Variants in GLUL observed in about 807,000 individuals in gnomAD.
GLUL encodes the protein glutamine synthetase.
Under a neutral mutation model 36.9 loss-of-function variants are expected in GLUL, and 8 were observed. That is an observed-to-expected ratio of 0.22 (90% CI 0.13 to 0.39). The LOEUF is 0.39. Among genes scored for constraint, GLUL ranks in the 10% least tolerant of loss-of-function variants. GLUL has a pLI of 1.00. For missense variants in GLUL, 315 were observed against 501.8 expected (o/e 0.63, Z 3.56); for synonymous variants, 182 against 172.8 (o/e 1.05, Z -0.42).
At chr1:182,390,305 T>C (rs1341481396) in intron 1 of GLUL, 3 of 393,912 alleles carry the variant, frequency 7.6e-6, no homozygotes, top group Non-Finnish European at 1.3e-5. Context: ...ATGCACACTT[T>C]GTCCTAAGCC....
intron 4 of GLUL, 183 bp from the exon 5 acceptor site, chr1:182,386,070 G>C (rs1007780562): frequency 1.2e-6 from 1 of 865,696 alleles, no homozygotes; most frequent in Non-Finnish European, 2.0e-6. Flanking sequence ...GGGGCCAAAC[G>C]TTCCCCCTAA....
In GLUL at chr1:182,385,763, G is replaced by A; in HGVS notation, c.600C>T (p.Ala200=). The part of the protein sequence containing the change: ...IAGTNAEVMP[A]QWEFQIGPCE... ...GATGGATTGGAGCTATACTTACCTG[G>A]GCAGGCATGACCTCGGCATTAGTCC... Residue 200 remains alanine (A), a synonymous_variant, in exon 5 of 7, where the codon GCC becomes GCT. Coordinates refer to ENST00000331872, the MANE Select transcript of GLUL (RefSeq NM_001033044.4). 6.2e-7 allele frequency: 1 copy of A among 1,614,048 alleles called. No homozygotes were observed. Among genetic ancestry groups the A allele is most frequent in the Non-Finnish European group, 8.5e-7 (1 of 1,180,000 alleles).
rs1374056673 is a variant in GLUL at position 182,378,728 on chromosome 1, T to A, written c.*5677A>T. ...CATATTCTCACAAATATGGTATACA[T>A]TTATATTATGCATGTGTATGGACAT... is the stretch of plus-strand genomic sequence containing the variant. On this transcript the variant is annotated 3_prime_UTR_variant, in exon 7 of 7. Coordinates refer to ENST00000331872, the MANE Select transcript of GLUL (RefSeq NM_001033044.4). 2.0e-5 allele frequency among the ~76,000 whole-genome samples: 3 copies of A among 152,228 alleles called. No individual in the cohort carries two copies. The highest frequency in any genetic ancestry group is 2.0e-4 in the Admixed American group (3 of 15,286).
rs1484593678 is a variant in GLUL, at chr1:182,384,684, G to A, written c.843C>T (p.His281=). Reference sequence around the variant, plus strand: ...GATCATAGGCACGGATGTGGTACTGGTGCCGCTTGCTTAGTTTCTCAATGG... The same window carrying A: ...GATCATAGGCACGGATGTGGTACTGATGCCGCTTGCTTAGTTTCTCAATGG... ...EEAIEKLSKR[H]QYHIRAYDPK... The change falls in exon 7 of 7, where the codon CAC becomes CAT. Residue 281 remains histidine (H), a synonymous_variant. Transcript: ENST00000331872. 2 of 1,614,132 alleles carry A rather than the reference G, an allele frequency of 1.2e-6. No individual in the cohort carries two copies. Among genetic ancestry groups the A allele is most frequent in the Non-Finnish European group, 8.5e-7 (1 of 1,180,006 alleles).
chr1:182,384,295 G>A lies in GLUL; in HGVS notation c.*110C>T, dbSNP rs773537458. 5.0e-6 allele frequency: 4 copies of A among 798,006 alleles called. No homozygotes were observed. Among genetic ancestry groups the A allele is most frequent in the East Asian group, 5.3e-5 (2 of 37,722 alleles). 49.4% of individuals were successfully genotyped at this position (798,006 alleles called of 1,614,324 possible). A position where few individuals can be genotyped will look rare whatever the true frequency, so the allele number is the denominator to read the frequency against. The stretch of plus-strand genomic sequence containing the variant: ...ACTGGGCACATGGAATGAAAAAAAC[G>A]ACCTTGATATTCCACCCTTTGAGTT... On this transcript the variant is annotated 3_prime_UTR_variant, in exon 7 of 7. Transcript: ENST00000331872.
Position 182,384,207 on chromosome 1 carries a change from G to A in GLUL, c.*198C>T, listed in dbSNP as rs1271991736. On this transcript the variant is annotated 3_prime_UTR_variant, in exon 7 of 7. Coordinates refer to ENST00000331872, the MANE Select transcript of GLUL (RefSeq NM_001033044.4). ...TTCAGTGATAGGGAAAAAAAGGAGG[G>A]TAGGTGTGAAGAAATTAATAACTTG... The A allele has an allele frequency of 5.0e-5, 30 of 598,588 alleles. No homozygotes were observed. Among genetic ancestry groups the A allele is most frequent in the Non-Finnish European group, 6.0e-6 (2 of 334,962 alleles). 37.1% of individuals were successfully genotyped at this position (598,588 alleles called of 1,614,324 possible).
rs992537835 is a variant in GLUL at position 182,379,109 on chromosome 1, TCGGAGATCGAG to T, written c.*5285_*5295del. 8.5e-5 allele frequency among the ~76,000 whole-genome samples: 13 copies of T among 152,182 alleles called. No individual in the cohort carries two copies. The South Asian group carries it at 1.0e-3, about 12-fold the overall frequency. ...AAGTAGAATTTTTTTAAATGAACGG[TCGGAGATCGAG>T]CTAAAGGCTATAAAATGGCAGGGTT... On this transcript the variant is annotated 3_prime_UTR_variant, in exon 7 of 7. Transcript: ENST00000331872.
rs763654448 is a variant in GLUL at position 182,385,796 on chromosome 1, C to G, written c.567G>C (p.Lys189Asn). 1 of 1,614,210 alleles carries G rather than the reference C, an allele frequency of 6.2e-7. No homozygotes were observed. The highest frequency in any genetic ancestry group is 1.7e-5 in the Admixed American group (1 of 60,030). The change falls in exon 5 of 7, where the codon AAG becomes AAC. Residue 189 changes from lysine (K) to asparagine (N), a missense_variant. This residue lies in a region of GLUL where 256 missense variants were observed against 396.1 expected (regional missense o/e 0.65). Coordinates refer to ENST00000331872, the MANE Select transcript of GLUL (RefSeq NM_001033044.4). ...TGACCTCGGCATTAGTCCCCGCAAT[C>G]TTGACTCCAGCATACAAGCAGGCCC... ...HYRACLYAGVKIAGTNAEVMP... is the reference protein window; with the variant it reads ...HYRACLYAGVNIAGTNAEVMP...
chr1:182,386,158 G>T, intron 4 of GLUL, 98 bp downstream of exon 4: 2 of 1,210,332 alleles, frequency 1.7e-6, no homozygotes, highest in Non-Finnish European at 2.5e-6. Context: ...GTATTATTTT[G>T]CTTCTTGATT....
At chr1:182,386,032 G>A in intron 4 of GLUL, 145 bp from the exon 5 acceptor site, 1 of 924,022 alleles carries the variant, frequency 1.1e-6, no homozygotes, top group Non-Finnish European at 1.8e-6. Context: ...GGGGCAATAG[G>A]GGAGTTCCTC....
rs1558162053 is a variant in GLUL at position 182,387,198 on chromosome 1, G to A, written c.261C>T (p.Asp87=). The A allele has an allele frequency of 6.2e-7, 1 of 1,613,128 alleles. No homozygotes were observed. Among genetic ancestry groups the A allele is most frequent in the East Asian group, 2.2e-5 (1 of 44,868 alleles). The stretch of plus-strand genomic sequence containing the variant: ...GCTTGTTAGGGTCCTTACGGAAGGG[G>A]TCCCGAAACATGGCAGCAGGCACGA... ...MYLVPAAMFR[D]PFRKDPNKLV... Residue 87 remains aspartate (D), a synonymous_variant, in exon 3 of 7, where the codon GAC becomes GAT. Transcript: ENST00000331872.
In GLUL at chr1:182,383,958, G is replaced by A; in HGVS notation, c.*447C>T. ...TCTCTCCTAATTCCCACTTTTAATA[G>A]AAAAGTTGGTTATAACTTTTTAAGA... On this transcript the variant is annotated 3_prime_UTR_variant, in exon 7 of 7. Transcript: ENST00000331872. 1 of 198,256 alleles carries A rather than the reference G, an allele frequency of 5.0e-6. No homozygotes were observed. Among genetic ancestry groups the A allele is most frequent in the South Asian group, 8.6e-5 (1 of 11,610 alleles). The allele number at this position is 198,256 out of a possible 1,614,324, so 12.3% of individuals were successfully genotyped here.
chr1:182,386,996 A>G, intron 3 of GLUL, 135 bp downstream of exon 3: 1 of 765,024 alleles, frequency 1.3e-6, no homozygotes, highest in Non-Finnish European at 2.4e-6. Flanking sequence ...AGTTCAGGGA[A>G]AAGAATCACT....
rs1649992743 is a variant in GLUL at position 182,382,780 on chromosome 1, C to T, written c.*1625G>A. ...AAACGGCTGGTCAGCAACATCACTC[C>T]AGTGTTTTAAAAACTCAGAGTACAT... On this transcript the variant is annotated 3_prime_UTR_variant, in exon 7 of 7. Transcript: ENST00000331872. 6.6e-6 allele frequency: 1 copy of T among 152,148 alleles called. No individual in the cohort carries two copies. The highest frequency in any genetic ancestry group is 6.5e-5 in the Admixed American group (1 of 15,280). 9.4% of individuals were successfully genotyped at this position (152,148 alleles called of 1,614,324 possible). A position where few individuals can be genotyped will look rare whatever the true frequency, so the allele number is the denominator to read the frequency against.
chr1:182,384,911 A>T, intron 6 of GLUL, 188 bp from the exon 7 acceptor site: 1 of 627,358 alleles, frequency 1.6e-6, no homozygotes, highest in Non-Finnish European at 2.9e-6. Context: ...TTTGTTGAAA[A>T]GACTAATCAT....
At chr1:182,388,007 C>A (rs1489569832) in intron 2 of GLUL, among the ~76,000 whole-genome samples, 3 of 152,220 alleles carry the variant, frequency 2.0e-5, no homozygotes, top group Admixed American at 2.0e-4. Flanking sequence ...AGAGGGAAGA[C>A]TATGGCTTGT....
chr1:182,385,938 C>CCAAA, intron 4 of GLUL, 51 bp from the exon 5 acceptor site: 1 of 1,586,800 alleles, frequency 6.3e-7, no homozygotes, highest in South Asian at 1.1e-5. Flanking sequence ...CCAGAGAATC[C>CCAAA]CAAAGTCAGA....
Position 182,381,201 on chromosome 1 carries a change from A to T in GLUL, c.*3204T>A, listed in dbSNP as rs1649914801. Among the ~76,000 whole-genome samples, 1 of 152,226 alleles carries T rather than the reference A, an allele frequency of 6.6e-6. No homozygotes were observed. Among genetic ancestry groups the T allele is most frequent in the South Asian group, 2.1e-4 (1 of 4,836 alleles). ...AGAATCGCTTGAATCTGGGAGGCAG[A>T]AGTTGCAGTGAGCCAAGATTGCGCC... On this transcript the variant is annotated 3_prime_UTR_variant, in exon 7 of 7. Transcript: ENST00000331872.
chr1:182,390,917 C>A, intron 1 of GLUL: 1 of 398,572 alleles, frequency 2.5e-6, no homozygotes, highest in South Asian at 1.3e-4. Flanking sequence ...CTGAAATGTC[C>A]CTAAAGTGGG....
Sources: allele counts gnomAD v4.1 joint callset (sites outside exome capture counted in the v4.1 genomes callset), GRCh38; gene constraint gnomAD v4.1.1; regional missense constraint gnomAD v4.1.1; transcripts MANE v1.5; gene names NCBI Gene and HGNC (gene_info 2026-07-23, HGNC 2026-07-21).